The following MMD2 variants were observed in gnomAD, a reference collection of about 807,000 sequenced individuals.
MMD2 encodes monocyte to macrophage differentiation associated 2, also known as monocyte to macrophage differentiation factor 2.
Under a neutral mutation model 33.5 loss-of-function variants are expected in MMD2, and 30 were observed. The ratio of observed to expected loss-of-function variants is 0.90; its 90% CI spans 0.67 to 1.22. The LOEUF (loss-of-function observed/expected upper bound fraction) is 1.22. MMD2 is among the 50% of genes most tolerant of loss of function. MMD2 has a pLI of 0.00. For missense variants in MMD2, 364 were observed against 325.4 expected (o/e 1.12, Z -0.91); for synonymous variants, 129 against 123.0 (o/e 1.05, Z -0.32).
Position 4,946,381 on chromosome 7 carries a change from C to G in MMD2, c.47+12590G>C, listed in dbSNP as rs937902014. ...GGCCTTTCTCTGAAAGAAATGAAAC[C>G]TTGGCTTTATCTAAGATAATAATGA... On this transcript the variant is annotated intron_variant, in intron 1 of 6. Coordinates refer to ENST00000401401, the MANE Select transcript of MMD2 (RefSeq NM_198403.4). The surrounding 1 kb of genome is among the most constrained non-coding windows in gnomAD (Gnocchi z 5.0). Among the ~76,000 whole-genome samples, 1 of 152,180 alleles carries G rather than the reference C, an allele frequency of 6.6e-6. No individual in the cohort carries two copies. Among genetic ancestry groups the G allele is most frequent in the African/African-American group, 2.4e-5 (1 of 41,444 alleles).
chr7:4,929,146 C>T lies in MMD2; in HGVS notation c.48-3614G>A, dbSNP rs571504996. ...GGGTGAGTCCAGGGGTCTCCAGGTT[C>T]GGGTGACTGCTCTCTGCCTGCATCC... On this transcript the variant is annotated intron_variant, in intron 1 of 6. Coordinates refer to ENST00000401401, the MANE Select transcript of MMD2 (RefSeq NM_198403.4). Among the ~76,000 whole-genome samples the T allele has an allele frequency of 5.3e-5, 8 of 152,232 alleles. No homozygotes were observed. The East Asian group carries it at 1.2e-3, about 22-fold the overall frequency.
At chr7:4,935,687 A>C (rs1333077696) in intron 1 of MMD2, among the ~76,000 whole-genome samples, 1 of 150,654 alleles carries the variant, frequency 6.6e-6, no homozygotes, top group East Asian at 2.0e-4. Flanking sequence ...CAAAAAAAAA[A>C]AAAAAAAAAA....
At chr7:4,902,472 T>C (rs1455005396), downstream of MMD2, among the ~76,000 whole-genome samples, 2 of 152,176 alleles carry the variant, frequency 1.3e-5, no homozygotes, top group African/African-American at 4.8e-5. Flanking sequence ...CTTTGTAATA[T>C]CAGCAAATTA....
At position 4,920,221 on chromosome 7, in the gene MMD2, G is replaced by A. The variant is rs767814866; in HGVS notation, c.240C>T (p.Phe80=). The A allele has an allele frequency of 1.4e-5, 22 of 1,581,962 alleles. No homozygotes were observed. Among genetic ancestry groups the A allele is most frequent in the African/African-American group, 5.4e-5 (4 of 74,260 alleles). The change falls in exon 3 of 7, where the codon TTC becomes TTT. Residue 80 remains phenylalanine (F), a synonymous_variant. Transcript: ENST00000401401. The part of the protein sequence containing the change: ...WIYGLGLCGL[F]VVSTVFHTIS... ...TGGTGTGAAACACAGTGGACACCAC[G>A]AAGAGGCCGCAGAGGCCGAGGCCGT... is the stretch of plus-strand genomic sequence containing the variant.
intron 2 of MMD2, among the ~76,000 whole-genome samples, chr7:4,922,659 C>T (rs992850013): frequency 7.9e-5 from 12 of 152,114 alleles, no homozygotes; most frequent in Non-Finnish European, 1.3e-4. Context: ...ACTGCAGCCT[C>T]GACATCCTGG....
At chr7:4,900,615 T>C in the MMD2 span, among the ~76,000 whole-genome samples, 1 of 152,102 alleles carries the variant, frequency 6.6e-6, no homozygotes, top group African/African-American at 2.4e-5. Flanking sequence ...ATACCTTCCA[T>C]GACTCCTCAC....
At chr7:4,948,463 C>T (rs1265485443) in intron 1 of MMD2, among the ~76,000 whole-genome samples, 5 of 151,798 alleles carry the variant, frequency 3.3e-5, no homozygotes, top group Admixed American at 3.3e-4. Flanking sequence ...GCAGAGGTTG[C>T]AGTGAGCCAA....
At chr7:4,922,265 T>C (rs1785306788) in intron 2 of MMD2, among the ~76,000 whole-genome samples, 2 of 151,562 alleles carry the variant, frequency 1.3e-5, no homozygotes, top group Admixed American at 6.6e-5. Flanking sequence ...TATTACATCA[T>C]CTTAAAAAAA....
chr7:4,929,198 C>G (rs895183587), intron 1 of MMD2, among the ~76,000 whole-genome samples: 5 of 152,126 alleles, frequency 3.3e-5, no homozygotes, highest in African/African-American at 1.2e-4. Flanking sequence ...TCACGTGATT[C>G]CAGTCAGTCA....
chr7:4,946,079 G>GCACACGCACGCACA lies in MMD2; in HGVS notation c.47+12878_47+12891dup, dbSNP rs1786069763. ...GCAAAATGCACACACTCACACGCACGCACACGCACGCACACACACGCATGC... is the reference window on the plus strand; with the variant it reads ...GCAAAATGCACACACTCACACGCACGCACACGCACGCACACACACGCACGCACACACACGCATGC... On this transcript the variant is annotated intron_variant, in intron 1 of 6. Coordinates refer to ENST00000401401, the MANE Select transcript of MMD2 (RefSeq NM_198403.4). This position sits in a 1 kb window ranked among gnomAD's most constrained non-coding sequence, Gnocchi z 5.0. 6.6e-6 allele frequency among the ~76,000 whole-genome samples: 1 copy of GCACACGCACGCACA among 150,988 alleles called. No individual in the cohort carries two copies. Among genetic ancestry groups the GCACACGCACGCACA allele is most frequent in the Non-Finnish European group, 1.5e-5 (1 of 67,782 alleles).
At chr7:4,939,140 T>G (rs1473301312) in intron 1 of MMD2, among the ~76,000 whole-genome samples, 4 of 151,982 alleles carry the variant, frequency 2.6e-5, no homozygotes, top group South Asian at 2.1e-4. Flanking sequence ...AGATGGAGGT[T>G]GCAGTCAGCT....
rs772345620 is a variant in MMD2 at position 4,909,870 on chromosome 7, G to C, written c.537+11C>G. 76 of 1,608,084 alleles carry C rather than the reference G, an allele frequency of 4.7e-5. No homozygotes were observed. The highest frequency in any genetic ancestry group is 6.2e-5 in the Non-Finnish European group (73 of 1,177,338). ...GCAGGGACTCATCTATGCAGGGCTG[G>C]CAGCACTTACCATGGAGAGGATGAC... On this transcript the variant is annotated intron_variant, in intron 6 of 6. Transcript: ENST00000401401.
chr7:4,940,921 C>A lies in MMD2; in HGVS notation c.48-15389G>T, dbSNP rs1213841760. Among the ~76,000 whole-genome samples, 1 of 152,160 alleles carries A rather than the reference C, an allele frequency of 6.6e-6. No homozygotes were observed. Among genetic ancestry groups the A allele is most frequent in the Non-Finnish European group, 1.5e-5 (1 of 68,042 alleles). On this transcript the variant is annotated intron_variant, in intron 1 of 6. Coordinates refer to ENST00000401401, the MANE Select transcript of MMD2 (RefSeq NM_198403.4). This position sits in a 1 kb window ranked among gnomAD's most constrained non-coding sequence, Gnocchi z 5.0. Reference sequence around the variant, plus strand: ...ACCAGCTCCCAGCCTTGGCGCCCACCCTGTGGCTCCCCGGGAAATCTCTTC... The same window carrying A: ...ACCAGCTCCCAGCCTTGGCGCCCACACTGTGGCTCCCCGGGAAATCTCTTC...
rs1786089816 is a variant in MMD2, at chr7:4,946,411, C to T, written c.47+12560G>A. 6.6e-6 allele frequency among the ~76,000 whole-genome samples: 1 copy of T among 152,128 alleles called. No individual in the cohort carries two copies. Among genetic ancestry groups the T allele is most frequent in the Non-Finnish European group, 1.5e-5 (1 of 68,036 alleles). ...CTTTATCTAAGATAATAATGAAAAT[C>T]CAAGTACTTTAAAAAGCTGAGTCCA... On this transcript the variant is annotated intron_variant, in intron 1 of 6. Transcript: ENST00000401401. The surrounding 1 kb of genome is among the most constrained non-coding windows in gnomAD (Gnocchi z 5.0).
chr7:4,895,322 C>T, the MMD2 span, among the ~76,000 whole-genome samples: 2 of 152,172 alleles, frequency 1.3e-5, no homozygotes, highest in African/African-American at 4.8e-5. Context: ...GTGATCCGCC[C>T]TCCTCGGCCT....
At chr7:4,927,926 G>C (rs967284688) in intron 1 of MMD2, among the ~76,000 whole-genome samples, 2 of 152,130 alleles carry the variant, frequency 1.3e-5, no homozygotes, top group African/African-American at 4.8e-5. Context: ...TGACTCCGAC[G>C]TCTGGTTCTG....
chr7:4,951,611 AC>A (rs1213553459), intron 1 of MMD2, among the ~76,000 whole-genome samples: 1 of 151,056 alleles, frequency 6.6e-6, no homozygotes, highest in East Asian at 2.0e-4. Flanking sequence ...TCCCCACCCC[AC>A]CTCCTGAGAC....
chr7:4,897,124 T>C, the MMD2 span, among the ~76,000 whole-genome samples: 1 of 151,556 alleles, frequency 6.6e-6, no homozygotes, highest in African/African-American at 2.4e-5. Context: ...ACCCCCAAAG[T>C]GCTGGGATTA....
intron 1 of MMD2, among the ~76,000 whole-genome samples, chr7:4,936,185 CAAA>C (rs61343659): frequency 5.9e-5 from 5 of 84,100 alleles, no homozygotes; most frequent in African/African-American, 7.7e-5. Context: ...AACTCTGTCT[CAAA>C]AAAAAAAAAA....
Sources: gnomAD v4.1 joint callset for allele counts (sites outside exome capture counted in the v4.1 genomes callset) on GRCh38, gnomAD v4.1.1 for gene constraint, Gnocchi (gnomAD v3.1) non-coding constraint, MANE v1.5 for transcripts, NCBI Gene and HGNC (gene_info 2026-07-23, HGNC 2026-07-21) for gene names.